Variants in EYS observed in about 807,000 individuals in gnomAD.
The protein encoded by EYS is EGF-like photoreceptor maintenance factor, also known as protein eyes shut homolog.
EYS carries 250 observed loss-of-function variants against 282.1 expected under a neutral mutation model. The observed-to-expected ratio is 0.89, with a 90% confidence interval of 0.80 to 0.98. The LOEUF is 0.98. Ranked by LOEUF, EYS falls within the 50% of genes least tolerant of loss-of-function variation. EYS has a pLI of 0.00. For synonymous variants in EYS, 1,355 were observed against 1,282.9 expected (o/e 1.06, Z -1.20); for missense variants, 4,016 against 3,709.0 (o/e 1.08, Z -2.15).
chr6:64,116,862 T>G, intron 31 of EYS, among the ~76,000 whole-genome samples: 1 of 152,180 alleles, frequency 6.6e-6, no homozygotes, highest in South Asian at 2.1e-4. Context: ...GTCACTTTAT[T>G]AAGAAGATAT....
At chr6:64,441,157 G>A (rs1269716751) in intron 26 of EYS, among the ~76,000 whole-genome samples, 1 of 152,152 alleles carries the variant, frequency 6.6e-6, no homozygotes, top group Non-Finnish European at 1.5e-5. Flanking sequence ...CGTTGAAGAT[G>A]AAGTCCTTAG....
At chr6:64,019,079 A>G (rs955026732) in intron 33 of EYS, among the ~76,000 whole-genome samples, 6 of 151,950 alleles carry the variant, frequency 3.9e-5, no homozygotes, top group African/African-American at 1.2e-4. Context: ...CCGGCTCACA[A>G]ATGTTCTTAT....
chr6:64,651,190 A>C (rs1768544291), intron 22 of EYS, among the ~76,000 whole-genome samples: 2 of 152,316 alleles, frequency 1.3e-5, no homozygotes, highest in Admixed American at 1.3e-4. Flanking sequence ...GCTTACAGAA[A>C]GGATAGAATG....
chr6:65,474,545 C>T (rs1765331991), intron 5 of EYS, among the ~76,000 whole-genome samples: 1 of 151,950 alleles, frequency 6.6e-6, no homozygotes, highest in African/African-American at 2.4e-5. Context: ...GAATTTAGCA[C>T]CATGTATAAG....
intron 5 of EYS, among the ~76,000 whole-genome samples, chr6:65,430,665 G>A (rs1278220911): frequency 1.3e-5 from 2 of 152,114 alleles, no homozygotes; most frequent in Non-Finnish European, 2.9e-5. Context: ...GAGTGGGGAG[G>A]ACTTTATCTT....
intron 1 of EYS, among the ~76,000 whole-genome samples, chr6:65,700,101 C>T (rs961133430): frequency 2.7e-4 from 28 of 104,690 alleles, no homozygotes; most frequent in Non-Finnish European, 4.3e-4. Flanking sequence ...GGTGACAGAG[C>T]GAGACTCCGT....
At chr6:65,405,426 G>C in intron 5 of EYS, 59 bp from the exon 6 acceptor site, 82 of 1,258,970 alleles carry the variant, frequency 6.5e-5, no homozygotes, top group Non-Finnish European at 8.4e-5. Context: ...GAAGAAATGA[G>C]CATAGATATG....
At chr6:65,380,274 T>C (rs972582706) in intron 8 of EYS, among the ~76,000 whole-genome samples, 14 of 152,040 alleles carry the variant, frequency 9.2e-5, no homozygotes, top group Non-Finnish European at 1.5e-4. Flanking sequence ...AAAATAGATA[T>C]ATAGACCAAT....
chr6:65,682,753 T>G (rs1768880275), intron 1 of EYS, among the ~76,000 whole-genome samples: 1 of 150,658 alleles, frequency 6.6e-6, no homozygotes. Context: ...AAATACAGAG[T>G]TTCAAGAGGT....
intron 12 of EYS, among the ~76,000 whole-genome samples, chr6:65,161,536 A>T (rs1395245453): frequency 1.3e-5 from 2 of 151,138 alleles, no homozygotes; most frequent in Non-Finnish European, 3.0e-5. Flanking sequence ...TTCTTATCAT[A>T]TAATAAACAT....
At chr6:64,564,231 C>T (rs1339829789) in intron 26 of EYS, among the ~76,000 whole-genome samples, 3 of 132,482 alleles carry the variant, frequency 2.3e-5, no homozygotes, top group African/African-American at 8.4e-5. Context: ...CAAGGGTTTC[C>T]TTTTCTCCAT....
chr6:65,155,064 A>G (rs1764701083), intron 12 of EYS, among the ~76,000 whole-genome samples: 1 of 151,576 alleles, frequency 6.6e-6, no homozygotes, highest in African/African-American at 2.4e-5. Flanking sequence ...TTTCCCAAGT[A>G]TTTAAGTTAT....
At chr6:63,809,897 C>T (rs1000079239) in intron 36 of EYS, among the ~76,000 whole-genome samples, 8 of 151,466 alleles carry the variant, frequency 5.3e-5, no homozygotes, top group Non-Finnish European at 1.0e-4. Context: ...CCAATATGGC[C>T]GAGAAATAAG....
intron 26 of EYS, among the ~76,000 whole-genome samples, chr6:64,525,961 G>GA (rs36078576): frequency 2.7e-5 from 4 of 150,816 alleles, no homozygotes; most frequent in East Asian, 3.9e-4. Flanking sequence ...AAAAATACTG[G>GA]AAAAAAAACC....
At chr6:64,179,126 T>C (rs1349559710) in intron 31 of EYS, among the ~76,000 whole-genome samples, 1 of 152,092 alleles carries the variant, frequency 6.6e-6, no homozygotes, top group East Asian at 1.9e-4. Flanking sequence ...TATTATTTTA[T>C]TTAAAAACTA....
At chr6:65,126,551 G>A (rs1477201975) in intron 12 of EYS, among the ~76,000 whole-genome samples, 1 of 152,096 alleles carries the variant, frequency 6.6e-6, no homozygotes. Context: ...CAACACCAGA[G>A]GCAGAAGGCA....
intron 10 of EYS, among the ~76,000 whole-genome samples, chr6:65,338,339 T>C (rs756676100): frequency 6.7e-6 from 1 of 149,388 alleles, no homozygotes; most frequent in East Asian, 1.9e-4. Flanking sequence ...AGTAGACATA[T>C]AGAAACTTGA....
At chr6:64,225,408 T>C (rs1173560500) in intron 31 of EYS, among the ~76,000 whole-genome samples, 2 of 151,742 alleles carry the variant, frequency 1.3e-5, no homozygotes, top group East Asian at 1.9e-4. Flanking sequence ...CAGCTGACTC[T>C]GAGATACAGA....
chr6:64,885,794 C>A (rs1289736335), intron 19 of EYS, among the ~76,000 whole-genome samples: 2 of 151,790 alleles, frequency 1.3e-5, no homozygotes, highest in Admixed American at 6.6e-5. Context: ...AACTTTCTCT[C>A]ACCTTTTGAT....
Sources: gnomAD v4.1 joint callset for allele counts (sites outside exome capture counted in the v4.1 genomes callset) on GRCh38, gnomAD v4.1.1 for gene constraint, MANE v1.5 for transcripts, NCBI Gene and HGNC (gene_info 2026-07-23, HGNC 2026-07-21) for gene names.